KCNH3: variants seen among roughly 807,000 people sequenced by gnomAD.
KCNH3 encodes potassium voltage-gated channel subfamily H member 3.
Under a neutral mutation model 95.6 loss-of-function variants are expected in KCNH3, and 36 were observed. The observed-to-expected ratio is 0.38, with a 90% CI of 0.29 to 0.50. KCNH3 has a LOEUF of 0.50. Among genes scored for constraint, KCNH3 ranks in the 20% least tolerant of loss-of-function variants. The probability of loss-of-function intolerance (pLI) is 0.95; values close to 1 mark genes in which losing one functional copy is unlikely to be tolerated. For missense variants in KCNH3, 1,030 were observed against 1,484.1 expected (o/e 0.69, Z 5.03); for synonymous variants, 620 against 646.3 (o/e 0.96, Z 0.62).
At chr12:49,554,586 T>C (rs1435363052) in intron 11 of KCNH3, 32 bp downstream of exon 11, 1 of 1,572,692 alleles carries the variant, frequency 6.4e-7, no homozygotes, top group Non-Finnish European at 8.7e-7. Flanking sequence ...TTGGAGGGGA[T>C]GGGGGTGCCA....
chr12:49,554,274 C>A, intron 10 of KCNH3, 63 bp from the exon 11 acceptor site: 1 of 1,326,368 alleles, frequency 7.5e-7, no homozygotes, highest in Non-Finnish European at 1.1e-6. Flanking sequence ...AACCTGCAGC[C>A]CCCTCTTCTC....
In KCNH3 at chr12:49,557,862, C is replaced by G. The variant is rs746187409; in HGVS notation, c.3161C>G (p.Pro1054Arg). 1 of 1,581,406 alleles carries G rather than the reference C, an allele frequency of 6.3e-7. No homozygotes were observed. Among genetic ancestry groups the G allele is most frequent in the South Asian group, 1.1e-5 (1 of 88,122 alleles). Residue 1054 changes from proline to arginine, a missense_variant, in exon 15 of 15, where the codon CCC (proline) becomes CGC (arginine). Physicochemically the swap from Pro to Arg is moderately radical, Grantham distance 103. Coordinates refer to ENST00000257981, the MANE Select transcript of KCNH3 (RefSeq NM_012284.3). The part of the protein sequence containing the change: ...PPPGSGGLAL[P>R]WDPHSLEMVL... Reference sequence around the variant, plus strand: ...CCAGGGTCAGGGGGCCTGGCCTTGCCCTGGGACCCCCACAGCCTGGAGATG... The same window carrying G: ...CCAGGGTCAGGGGGCCTGGCCTTGCGCTGGGACCCCCACAGCCTGGAGATG...
rs747922375 is a variant in KCNH3, at chr12:49,554,467, G to A, written c.2049G>A (p.Ala683=). 9.9e-6 allele frequency: 16 copies of A among 1,613,474 alleles called. No individual in the cohort carries two copies. In the East Asian group the frequency reaches 3.3e-4, roughly 34 times the overall value. Reference sequence around the variant, plus strand: ...TGGCTGGCCTGCACGACAGCCTTGCGCTGTACCCCGAGTTTGCCCCGCGCT... The same window carrying A: ...TGGCTGGCCTGCACGACAGCCTTGCACTGTACCCCGAGTTTGCCCCGCGCT... ...LQLAGLHDSL[A]LYPEFAPRFS... Residue 683 remains alanine (A), a synonymous_variant, in exon 11 of 15, where the codon GCG becomes GCA. Transcript: ENST00000257981.
chr12:49,548,855 A>T (rs1166975823), intron 7 of KCNH3, 40 bp from the exon 8 acceptor site: 1 of 1,506,970 alleles, frequency 6.6e-7, no homozygotes, highest in Non-Finnish European at 8.9e-7. Context: ...CCTCGCCCAC[A>T]GTCTTCCTGC....
chr12:49,551,087 G>A (rs927333027), intron 10 of KCNH3, among the ~76,000 whole-genome samples: 1 of 152,148 alleles, frequency 6.6e-6, no homozygotes, highest in African/African-American at 2.4e-5. Flanking sequence ...GCTAGGAATC[G>A]GCCAGCCGGG....
chr12:49,550,106 G>A lies in KCNH3; in HGVS notation c.1695G>A (p.Leu565=). Residue 565 remains leucine, a synonymous_variant, in exon 10 of 15, where the codon CTG becomes CTA. Transcript: ENST00000257981. ...TGCTGCAGAGCCTCCCTGACGAGCT[G>A]CGCGCAGACATCGCCATGCACCTGC... ...TELLQSLPDE[L]RADIAMHLHK... The A allele has an allele frequency of 3.1e-6, 5 of 1,594,580 alleles. No individual in the cohort carries two copies. Among genetic ancestry groups the A allele is most frequent in the Non-Finnish European group, 4.3e-6 (5 of 1,170,660 alleles).
At chr12:49,548,482 A>G (rs1445011608) in intron 7 of KCNH3, among the ~76,000 whole-genome samples, 1 of 152,116 alleles carries the variant, frequency 6.6e-6, no homozygotes, top group Non-Finnish European at 1.5e-5. Flanking sequence ...ATGGGCTCAG[A>G]GAAATGCAGG....
In KCNH3 at chr12:49,539,382, C is replaced by G. The variant is rs949999334; in HGVS notation, c.-35C>G. 6.1e-6 allele frequency: 9 copies of G among 1,473,034 alleles called. No homozygotes were observed. The highest frequency in any genetic ancestry group is 8.1e-6 in the Non-Finnish European group (9 of 1,113,362). 91.2% of individuals were successfully genotyped at this position (1,473,034 alleles called of 1,614,324 possible). A position where few individuals can be genotyped will look rare whatever the true frequency, so the allele number is the denominator to read the frequency against. On this transcript the variant is annotated 5_prime_UTR_variant, in exon 1 of 15. Coordinates refer to ENST00000257981, the MANE Select transcript of KCNH3 (RefSeq NM_012284.3). This position sits in a 1 kb window ranked among gnomAD's most constrained non-coding sequence, Gnocchi z 6.7. ...CCCCCGGCGCGGAGTCCCCGCACCCCGGAGGGATGGGGCGGGCAGCCGCGG... is the reference window on the plus strand; with the variant it reads ...CCCCCGGCGCGGAGTCCCCGCACCCGGGAGGGATGGGGCGGGCAGCCGCGG...
At chr12:49,555,212 G>A (rs1196756532) in intron 11 of KCNH3, among the ~76,000 whole-genome samples, 4 of 151,450 alleles carry the variant, frequency 2.6e-5, no homozygotes, top group Non-Finnish European at 2.9e-5. Context: ...AGGCTGAGGC[G>A]GGTGGATCAC....
In KCNH3 at chr12:49,541,752, T is replaced by C. The variant is rs1937877484; in HGVS notation, c.433T>C (p.Trp145Arg). 1.9e-6 allele frequency: 3 copies of C among 1,613,960 alleles called. No homozygotes were observed. The highest frequency in any genetic ancestry group is 2.5e-6 in the Non-Finnish European group (3 of 1,180,020). The change falls in exon 3 of 15, where the codon TGG becomes CGG. Residue 145 changes from tryptophan to arginine, a missense_variant. By Grantham distance (101) the Trp-to-Arg change is moderately radical (BLOSUM62 -3). This residue lies in a region of KCNH3 where 92 missense variants were observed against 92.7 expected (regional missense o/e 0.99). Transcript: ENST00000257981. ...ETKNRGGPDRWKETGGGRRRY... is the reference protein window; with the variant it reads ...ETKNRGGPDRRKETGGGRRRY... ...CAAGAACCGAGGGGGCCCCGACAGA[T>C]GGAAGGAGACAGGTAGGTGCATGTA... is the stretch of plus-strand genomic sequence containing the variant.
rs1938540719 is a variant in KCNH3 at position 49,557,970 on chromosome 12, TCAGCGTTGC to T, written c.*21_*29del. On this transcript the variant is annotated 3_prime_UTR_variant, in exon 15 of 15. Transcript: ENST00000257981. ...GGGGTCTGAGTACCAGCCCTAGAAC[TCAGCGTTGC>T]CAGGTGTGCTGCCATCTGCTGTTCG... The T allele has an allele frequency of 6.9e-7, 1 of 1,453,616 alleles. No homozygotes were observed. Among genetic ancestry groups the T allele is most frequent in the African/African-American group, 1.4e-5 (1 of 70,704 alleles). The allele number at this position is 1,453,616 out of a possible 1,614,324, so 90.0% of individuals were successfully genotyped here. A position where few individuals can be genotyped will look rare whatever the true frequency, so the allele number is the denominator to read the frequency against.
chr12:49,549,713 A>C, intron 9 of KCNH3, 73 bp downstream of exon 9: 1 of 1,414,900 alleles, frequency 7.1e-7, no homozygotes, highest in Non-Finnish European at 9.6e-7. Flanking sequence ...AATTATCAGG[A>C]GTGGGGGAGG....
intron 5 of KCNH3, 60 bp from the exon 6 acceptor site, chr12:49,543,855 C>G (rs534065563): frequency 1.9e-6 from 3 of 1,562,700 alleles, no homozygotes; most frequent in South Asian, 2.4e-5. Flanking sequence ...GAGCAGGTGT[C>G]CAGGCAAGAG....
At chr12:49,556,016 C>T (rs1007085829) in intron 12 of KCNH3, 65 bp downstream of exon 12, 6 of 784,668 alleles carry the variant, frequency 7.6e-6, no homozygotes, top group African/African-American at 6.9e-5. Flanking sequence ...TGGGCAGGCG[C>T]ACCCTGCCCT....
In KCNH3 at chr12:49,539,175, C is replaced by T. The variant is rs1937779417; in HGVS notation, c.-242C>T. On this transcript the variant is annotated 5_prime_UTR_variant, in exon 1 of 15. Coordinates refer to ENST00000257981, the MANE Select transcript of KCNH3 (RefSeq NM_012284.3). This position sits in a 1 kb window ranked among gnomAD's most constrained non-coding sequence, Gnocchi z 6.7. ...GCGCGGCGGCCGCGGGGCCTGGAGC[C>T]CGGGATTTGTGGGCGGCGAGGGCGC... The T allele has an allele frequency of 6.4e-6, 1 of 155,516 alleles. No homozygotes were observed. Among genetic ancestry groups the T allele is most frequent in the Non-Finnish European group, 1.4e-5 (1 of 70,726 alleles). 9.6% of individuals were successfully genotyped at this position (155,516 alleles called of 1,614,324 possible). A position where few individuals can be genotyped will look rare whatever the true frequency, so the allele number is the denominator to read the frequency against.
At position 49,549,624 on chromosome 12, in the gene KCNH3, G is replaced by A; in HGVS notation, c.1652G>A (p.Gly551Asp). 6.2e-7 allele frequency: 1 copy of A among 1,609,896 alleles called. No individual in the cohort carries two copies. The highest frequency in any genetic ancestry group is 8.5e-7 in the Non-Finnish European group (1 of 1,179,952). ...CAGGCCACCTGGGCGGTGAACAATG[G>A]CATCGACACCACCGAGGTGCGGCCT... ...YFQATWAVNN[G>D]IDTTELLQSL... The change falls in exon 9 of 15, where the codon GGC becomes GAC. Residue 551 changes from glycine (G) to aspartate (D), a missense_variant. By Grantham distance (94) the Gly-to-Asp change is moderately conservative. Transcript: ENST00000257981.
rs747029329 is a variant in KCNH3, at chr12:49,555,968, C to T, written c.2468+17C>T. 7 of 1,281,672 alleles carry T rather than the reference C, an allele frequency of 5.5e-6. No homozygotes were observed. Among genetic ancestry groups the T allele is most frequent in the Non-Finnish European group, 7.7e-6 (7 of 912,986 alleles). 79.4% of individuals were successfully genotyped at this position (1,281,672 alleles called of 1,614,324 possible). On this transcript the variant is annotated intron_variant, in intron 12 of 14. Transcript: ENST00000257981. ...GAGCCCCAGGTGAGCAGACCCTAGG[C>T]CCCCGTGGCAGAGATGGTGGTGATG...
chr12:49,548,568 G>A (rs1565778061), intron 7 of KCNH3, among the ~76,000 whole-genome samples: 1 of 152,172 alleles, frequency 6.6e-6, no homozygotes, highest in African/African-American at 2.4e-5. Flanking sequence ...TTGAGGCTGT[G>A]GTTGAATGCA....
chr12:49,552,322 G>C (rs981935066), intron 10 of KCNH3, among the ~76,000 whole-genome samples: 1 of 152,232 alleles, frequency 6.6e-6, no homozygotes, highest in African/African-American at 2.4e-5. Flanking sequence ...GCAGTATTCA[G>C]TGCCACAAGA....
Sources: gnomAD v4.1 joint callset for allele counts (sites outside exome capture counted in the v4.1 genomes callset) on GRCh38, gnomAD v4.1.1 for gene constraint, gnomAD v4.1.1 regional missense constraint, Gnocchi (gnomAD v3.1) non-coding constraint, MANE v1.5 for transcripts, NCBI Gene and HGNC (gene_info 2026-07-23, HGNC 2026-07-21) for gene names.